Variants in METTL21C observed in about 807,000 individuals in gnomAD.
METTL21C encodes the protein methyltransferase 21C, AARS1 lysine.
Under a neutral mutation model 25.9 loss-of-function variants are expected in METTL21C, and 21 were observed. The observed-to-expected ratio is 0.81, with a 90% CI of 0.58 to 1.17. The LOEUF is 1.17. Among genes scored for constraint, METTL21C ranks in the 50% most tolerant of loss-of-function variants. The pLI, the probability that METTL21C is intolerant of heterozygous loss-of-function variation, is 0.00. For synonymous variants in METTL21C, 125 were observed against 124.7 expected, an observed-to-expected ratio of 1.00 and a Z score of -0.01; for missense variants, 312 against 315.1, an observed-to-expected ratio of 0.99 and a Z score of 0.07.
chr13:102,692,327 A>G lies in METTL21C; in HGVS notation c.131-1363T>C, dbSNP rs551940622. Among the ~76,000 whole-genome samples the G allele has an allele frequency of 1.6e-3, 246 of 152,246 alleles. 1 individual carries two copies. The highest frequency in any genetic ancestry group is 5.4e-3 in the African/African-American group (226 of 41,528). ...CCTCCGGGTGTTTCAGGTCTCACTC[A>G]TTCCATACACACTGGAACAGTTCCC... On this transcript the variant is annotated intron_variant, in intron 1 of 3. Coordinates refer to ENST00000267273, the MANE Select transcript of METTL21C (RefSeq NM_001010977.3).
At position 102,694,358 on chromosome 13, in the gene METTL21C, A is replaced by G. The variant is rs376898636; in HGVS notation, c.130+11T>C. Reference sequence around the variant, plus strand: ...GAGGAAAACTGTTGAAGTGATGAAGAAGGAGGTTACCTTCTAGGACTCCCC... The same window carrying G: ...GAGGAAAACTGTTGAAGTGATGAAGGAGGAGGTTACCTTCTAGGACTCCCC... On this transcript the variant is annotated intron_variant, in intron 1 of 3. Transcript: ENST00000267273. 4 of 1,600,722 alleles carry G rather than the reference A, an allele frequency of 2.5e-6. No individual in the cohort carries two copies. The highest frequency in any genetic ancestry group is 1.7e-5 in the Admixed American group (1 of 59,300).
At chr13:102,702,214 G>T in the METTL21C span, among the ~76,000 whole-genome samples, 1,700 of 145,568 alleles carry the variant, frequency 0.012, 38 homozygotes, top group African/African-American at 0.045. Context: ...TATGTAGAGA[G>T]AGAGAGAGAG....
In METTL21C at chr13:102,694,896, T is replaced by TCACACACA. The variant is rs1376507887; in HGVS notation, c.-399_-398insTGTGTGTG. Among the ~76,000 whole-genome samples the TCACACACA allele has an allele frequency of 1.4e-5, 2 of 142,392 alleles. No homozygotes were observed. Among genetic ancestry groups the TCACACACA allele is most frequent in the African/African-American group, 5.3e-5 (2 of 37,450 alleles). The allele number at this position is 142,392 out of a possible 152,430, so 93.4% of individuals were successfully genotyped here. On this transcript the variant is annotated 5_prime_UTR_variant, in exon 1 of 4. Transcript: ENST00000267273. The stretch of plus-strand genomic sequence containing the variant: ...CTTTCTCTCTCTCTCTCTCTCTCTC[T>TCACACACA]CTCTCACACACACACACACACACAC...
In METTL21C at chr13:102,686,310, C is replaced by G. The variant is rs1017895711; in HGVS notation, c.516G>C (p.Trp172Cys). ...GAAAGTTTTTGTCCAGGTCTTCCCC[C>G]CATACCAGTTCTTTCACTTCAGGCA... ...AHLPEVKELV[W>C]GEDLDKNFPK... Residue 172 changes from tryptophan (W) to cysteine (C), a missense_variant, in exon 4 of 4, where the codon TGG (tryptophan) becomes TGC (cysteine). Transcript: ENST00000267273. 6.8e-6 allele frequency: 11 copies of G among 1,614,088 alleles called. No homozygotes were observed. Among genetic ancestry groups the G allele is most frequent in the Non-Finnish European group, 9.3e-6 (11 of 1,180,040 alleles).
chr13:102,702,123 C>G, the METTL21C span, among the ~76,000 whole-genome samples: 1 of 151,366 alleles, frequency 6.6e-6, no homozygotes, highest in Admixed American at 6.6e-5. Flanking sequence ...GAGATCGTGC[C>G]CTTGCATTCC....
At chr13:102,696,153 A>G (rs908098359), upstream of METTL21C, among the ~76,000 whole-genome samples, 1 of 152,092 alleles carries the variant, frequency 6.6e-6, no homozygotes, top group Admixed American at 6.5e-5. Flanking sequence ...AGAAACATGT[A>G]CCTCTTTAAC....
chr13:102,696,378 T>C (rs528363465), upstream of METTL21C, among the ~76,000 whole-genome samples: 1 of 150,800 alleles, frequency 6.6e-6, no homozygotes, highest in South Asian at 2.1e-4. Context: ...GTGGGGGACT[T>C]AGGGGACGGA....
At chr13:102,690,996 G>A (rs754396012) in intron 1 of METTL21C, 32 bp from the exon 2 acceptor site, 2 of 1,610,846 alleles carry the variant, frequency 1.2e-6, no homozygotes, top group Non-Finnish European at 1.7e-6. Context: ...TGGAGTTCAT[G>A]ATTTGTTCAA....
At chr13:102,691,914 C>A (rs979649371) in intron 1 of METTL21C, among the ~76,000 whole-genome samples, 1 of 152,152 alleles carries the variant, frequency 6.6e-6, no homozygotes, top group Non-Finnish European at 1.5e-5. Context: ...ATCAAGAGAT[C>A]ACAAGTGTTT....
chr13:102,692,492 G>A (rs1305794510), intron 1 of METTL21C, among the ~76,000 whole-genome samples: 3 of 152,032 alleles, frequency 2.0e-5, no homozygotes, highest in African/African-American at 7.3e-5. Flanking sequence ...TATTTTATAT[G>A]TCTGTATATA....
At position 102,694,910 on chromosome 13, in the gene METTL21C, A is replaced by T. The variant is rs1343534078; in HGVS notation, c.-412T>A. On this transcript the variant is annotated 5_prime_UTR_variant, in exon 1 of 4. Transcript: ENST00000267273. ...CTCTCTCTCTCTCTCTCACACACAC[A>T]CACACACACACACACACACGCACAG... Among the ~76,000 whole-genome samples the T allele has an allele frequency of 6.8e-4, 101 of 149,250 alleles. 1 individual carries two copies. The highest frequency in any genetic ancestry group is 6.7e-3 in the South Asian group (31 of 4,636).
rs1213237264 is a variant in METTL21C, at chr13:102,685,974, A to G, written c.*57T>C. On this transcript the variant is annotated 3_prime_UTR_variant, in exon 4 of 4. Transcript: ENST00000267273. ...GTGAAAGAAGTCTATTACCAAAGCA[A>G]TTTCTAACACATTGCTCAAAAGACA... 2.0e-6 allele frequency: 3 copies of G among 1,511,472 alleles called. No homozygotes were observed. The highest frequency in any genetic ancestry group is 2.7e-6 in the Non-Finnish European group (3 of 1,128,152). 93.6% of individuals were successfully genotyped at this position (1,511,472 alleles called of 1,614,324 possible). A position where few individuals can be genotyped will look rare whatever the true frequency, so the allele number is the denominator to read the frequency against.
Position 102,687,012 on chromosome 13 carries a change from T to A in METTL21C, c.328A>T (p.Asn110Tyr). The change falls in exon 3 of 4, where the codon AAT becomes TAT. Residue 110 changes from asparagine (N) to tyrosine (Y), a missense_variant. Coordinates refer to ENST00000267273, the MANE Select transcript of METTL21C (RefSeq NM_001010977.3). ...QYLEEHAEEL[N>Y]FQDAKILEIG... ...TCAAGTATTTTTGCATCTTGGAAATTCAATTCCTCGGCATGTTCCTCCAAG... is the reference window on the plus strand; with the variant it reads ...TCAAGTATTTTTGCATCTTGGAAATACAATTCCTCGGCATGTTCCTCCAAG... 1 of 1,614,180 alleles carries A rather than the reference T, an allele frequency of 6.2e-7. No individual in the cohort carries two copies. Among genetic ancestry groups the A allele is most frequent in the Admixed American group, 1.7e-5 (1 of 60,028 alleles).
upstream of METTL21C, among the ~76,000 whole-genome samples, chr13:102,696,116 G>T (rs1885943322): frequency 6.6e-6 from 1 of 151,676 alleles, no homozygotes; most frequent in Non-Finnish European, 1.5e-5. Context: ...CTTTTTTAAA[G>T]CTATTTTACT....
At chr13:102,700,661 C>A in the METTL21C span, among the ~76,000 whole-genome samples, 1 of 152,212 alleles carries the variant, frequency 6.6e-6, no homozygotes, top group Non-Finnish European at 1.5e-5. Context: ...CTATTTTCCA[C>A]TTTAATAAAT....
chr13:102,694,292 A>G, intron 1 of METTL21C, 77 bp downstream of exon 1: 1 of 1,485,286 alleles, frequency 6.7e-7, no homozygotes, highest in African/African-American at 1.4e-5. Context: ...AATTCTTGTC[A>G]CTGAAATTTA....
chr13:102,689,423 C>T (rs181578857), intron 2 of METTL21C, among the ~76,000 whole-genome samples: 85 of 152,174 alleles, frequency 5.6e-4, no homozygotes, highest in Non-Finnish European at 1.0e-3. Context: ...GAGTGAAGGT[C>T]GACACCTAAG....
At chr13:102,700,643 C>A in the METTL21C span, among the ~76,000 whole-genome samples, 1 of 152,208 alleles carries the variant, frequency 6.6e-6, no homozygotes, top group Admixed American at 6.5e-5. Flanking sequence ...CTGGCAACGA[C>A]ATTTATTCTA....
At chr13:102,695,505 T>C (rs1227423272), upstream of METTL21C, among the ~76,000 whole-genome samples, 1 of 152,208 alleles carries the variant, frequency 6.6e-6, no homozygotes, top group African/African-American at 2.4e-5. Flanking sequence ...TCACTTGTGA[T>C]AGGCTACATT....
Sources: gnomAD v4.1 joint callset for allele counts (sites outside exome capture counted in the v4.1 genomes callset) on GRCh38, gnomAD v4.1.1 for gene constraint, MANE v1.5 for transcripts, NCBI Gene and HGNC (gene_info 2026-07-23, HGNC 2026-07-21) for gene names.